CLINT1: variants seen among roughly 807,000 people sequenced by gnomAD.
The protein encoded by CLINT1 is clathrin interacting protein localized in the trans-Golgi region.
CLINT1 carries 15 observed loss-of-function variants against 70.4 expected under a neutral mutation model. The ratio of observed to expected loss-of-function variants is 0.21; its 90% CI spans 0.14 to 0.33. The LOEUF (loss-of-function observed/expected upper bound fraction) is 0.33. CLINT1 is among the 10% of genes least tolerant of loss of function. The pLI is 1.00. For synonymous variants in CLINT1, 227 were observed against 254.7 expected (o/e 0.89, Z 1.04); for missense variants, 615 against 778.1 (o/e 0.79, Z 2.49).
chr5:157,812,067 A>G (rs1411888041), intron 5 of CLINT1, among the ~76,000 whole-genome samples: 1 of 152,228 alleles, frequency 6.6e-6, no homozygotes, highest in East Asian at 1.9e-4. Context: ...TGATGCTTCA[A>G]TATAAAAAAG....
At chr5:157,852,422 T>A (rs1001066548) in intron 1 of CLINT1, among the ~76,000 whole-genome samples, 1 of 152,194 alleles carries the variant, frequency 6.6e-6, no homozygotes, top group Non-Finnish European at 1.5e-5. Context: ...CTGAAAATAA[T>A]GATTTCATGG....
In CLINT1 at chr5:157,830,786, C is replaced by G. The variant is rs1164675608; in HGVS notation, c.42-13239G>C. On this transcript the variant is annotated intron_variant, in intron 1 of 11. Coordinates refer to ENST00000411809, the MANE Select transcript of CLINT1 (RefSeq NM_014666.4). ...TCTCTCTCTCTCTCTCTCTCTCTCTCTCTCTCTCTCTATATATATATATAT... is the reference window on the plus strand; with the variant it reads ...TCTCTCTCTCTCTCTCTCTCTCTCTGTCTCTCTCTCTATATATATATATAT... 6.0e-5 allele frequency among the ~76,000 whole-genome samples: 8 copies of G among 132,546 alleles called. No homozygotes were observed. The South Asian group carries it at 2.1e-3, about 34-fold the overall frequency. The allele number at this position is 132,546 out of a possible 152,430, so 87.0% of individuals were successfully genotyped here. A position where few individuals can be genotyped will look rare whatever the true frequency, so the allele number is the denominator to read the frequency against.
intron 5 of CLINT1, among the ~76,000 whole-genome samples, chr5:157,811,619 A>G (rs1164050020): frequency 1.3e-5 from 2 of 152,152 alleles, no homozygotes; most frequent in Non-Finnish European, 2.9e-5. Context: ...ATGAACAATA[A>G]CTTAGCAAAA....
At chr5:157,848,116 T>G (rs1753444561) in intron 1 of CLINT1, among the ~76,000 whole-genome samples, 1 of 152,032 alleles carries the variant, frequency 6.6e-6, no homozygotes, top group African/African-American at 2.4e-5. Context: ...AAAAAAAATT[T>G]TTTTTTGAGA....
intron 1 of CLINT1, among the ~76,000 whole-genome samples, chr5:157,831,764 G>A (rs1270057372): frequency 1.4e-5 from 2 of 147,290 alleles, no homozygotes; most frequent in Non-Finnish European, 3.0e-5. Context: ...CACAATCTTG[G>A]CTCACTGCAA....
intron 1 of CLINT1, among the ~76,000 whole-genome samples, chr5:157,844,942 AC>A (rs1345096959): frequency 1.1e-4 from 17 of 152,204 alleles, no homozygotes; most frequent in Admixed American, 1.1e-3. Context: ...ATTAAGGGTC[AC>A]CGACCTCACA....
Position 157,852,308 on chromosome 5 carries a change from G to T in CLINT1, c.41+6622C>A, listed in dbSNP as rs1364189468. 2.0e-5 allele frequency among the ~76,000 whole-genome samples: 3 copies of T among 152,268 alleles called. No homozygotes were observed. The East Asian group carries it at 5.8e-4, about 29-fold the overall frequency. Reference sequence around the variant, plus strand: ...TATGCTTTGCAATATTAAAGTAGAAGCCATTTATGATTTAGCAAAAATAAT... The same window carrying T: ...TATGCTTTGCAATATTAAAGTAGAATCCATTTATGATTTAGCAAAAATAAT... On this transcript the variant is annotated intron_variant, in intron 1 of 11. Transcript: ENST00000411809.
At chr5:157,790,752 A>G (rs1176303294) in intron 10 of CLINT1, 2 of 385,966 alleles carry the variant, frequency 5.2e-6, no homozygotes, top group Non-Finnish European at 1.0e-5. Flanking sequence ...ATATTTTCCA[A>G]GCCTGCACTT....
chr5:157,791,785 G>A lies in CLINT1; in HGVS notation c.1298C>T (p.Thr433Ile). The A allele has an allele frequency of 3.1e-6, 5 of 1,613,990 alleles. No homozygotes were observed. The highest frequency in any genetic ancestry group is 4.2e-6 in the Non-Finnish European group (5 of 1,179,876). Residue 433 changes from threonine (T) to isoleucine (I), a missense_variant, in exon 10 of 12, where the codon ACC becomes ATC. Around this residue, in one of 2 missense-constraint regions of CLINT1, gnomAD observed 374 missense variants for 409.6 expected, o/e 0.91. Transcript: ENST00000411809. ...ATTCATACTCTGGGAAGATGTCATGGTTGCCTGGGACGAGCCCATAAGATC... is the reference window on the plus strand; with the variant it reads ...ATTCATACTCTGGGAAGATGTCATGATTGCCTGGGACGAGCCCATAAGATC... ...LFDLMGSSQA[T>I]MTSSQSMNFS...
chr5:157,829,266 C>G (rs1164244142), intron 1 of CLINT1, among the ~76,000 whole-genome samples: 2 of 152,308 alleles, frequency 1.3e-5, no homozygotes, highest in East Asian at 3.9e-4. Context: ...AGCCCCAACT[C>G]AAACTATTTC....
chr5:157,793,414 G>A (rs771665659), intron 9 of CLINT1, among the ~76,000 whole-genome samples: 12 of 152,090 alleles, frequency 7.9e-5, no homozygotes, highest in Non-Finnish European at 1.2e-4. Context: ...ATGATTAATC[G>A]TGGGAGGAAA....
At chr5:157,803,793 T>G in intron 7 of CLINT1, 74 bp from the exon 8 acceptor site, 1 of 1,087,092 alleles carries the variant, frequency 9.2e-7, no homozygotes, top group Non-Finnish European at 1.3e-6. Flanking sequence ...CATCTCTAAT[T>G]CTCAATTTAG....
At chr5:157,811,875 T>C (rs1762571810) in intron 5 of CLINT1, among the ~76,000 whole-genome samples, 1 of 152,218 alleles carries the variant, frequency 6.6e-6, no homozygotes. Context: ...ATAAAGTTAC[T>C]ACTTGGGTAA....
chr5:157,856,269 T>C (rs1008199277), intron 1 of CLINT1, among the ~76,000 whole-genome samples: 6 of 152,308 alleles, frequency 3.9e-5, no homozygotes, highest in African/African-American at 1.4e-4. Flanking sequence ...ATTTCTCCAA[T>C]AGCCATCAAA....
In CLINT1 at chr5:157,789,489, C is replaced by T. The variant is rs1413090168; in HGVS notation, c.1405G>A (p.Val469Ile). 6.2e-7 allele frequency: 1 copy of T among 1,613,932 alleles called. No individual in the cohort carries two copies. The change falls in exon 11 of 12, where the codon GTC (valine) becomes ATC (isoleucine). Residue 469 changes from valine (V) to isoleucine (I), a missense_variant. Val to Ile is a conservative substitution (Grantham distance 29). Coordinates refer to ENST00000411809, the MANE Select transcript of CLINT1 (RefSeq NM_014666.4). ...SQNTDMVQKS[V>I]SKTLPSTWSD... ...CAAGTAGAGGGCAAGGTTTTGCTGA[C>T]TGATTTCTGGACCATATCTGTATTC...
chr5:157,834,786 A>C (rs767943133), intron 1 of CLINT1, among the ~76,000 whole-genome samples: 11 of 152,092 alleles, frequency 7.2e-5, no homozygotes, highest in Admixed American at 2.0e-4. Flanking sequence ...CCAACATTAC[A>C]TTTTTAAACT....
At chr5:157,826,836 T>G (rs1443385870) in intron 1 of CLINT1, among the ~76,000 whole-genome samples, 4 of 152,168 alleles carry the variant, frequency 2.6e-5, no homozygotes, top group African/African-American at 9.7e-5. Flanking sequence ...TACCATACTT[T>G]CCCTTCTAAT....
In CLINT1 at chr5:157,787,377, T is replaced by C. The variant is rs1350315493; in HGVS notation, c.*269A>G. 1 of 461,720 alleles carries C rather than the reference T, an allele frequency of 2.2e-6. No individual in the cohort carries two copies. Among genetic ancestry groups the C allele is most frequent in the Non-Finnish European group, 3.9e-6 (1 of 258,572 alleles). 28.6% of individuals were successfully genotyped at this position (461,720 alleles called of 1,614,324 possible). ...TATGCTGTTAAATGGACTCTTCAGT[T>C]GATAAAGGCTTTCAATGGTCTCACC... On this transcript the variant is annotated 3_prime_UTR_variant, in exon 12 of 12. Coordinates refer to ENST00000411809, the MANE Select transcript of CLINT1 (RefSeq NM_014666.4).
intron 1 of CLINT1, 100 bp downstream of exon 1, chr5:157,858,830 G>A: frequency 1.5e-6 from 2 of 1,295,592 alleles, no homozygotes; most frequent in Non-Finnish European, 1.1e-6. Flanking sequence ...GGCAGAGCCA[G>A]GGGGCGTGAC....
Sources: gnomAD v4.1 joint callset for allele counts (sites outside exome capture counted in the v4.1 genomes callset) on GRCh38, gnomAD v4.1.1 for gene constraint, gnomAD v4.1.1 regional missense constraint, MANE v1.5 for transcripts, NCBI Gene and HGNC (gene_info 2026-07-23, HGNC 2026-07-21) for gene names.